Variants in NFKBIB observed in about 807,000 individuals in gnomAD.
NFKBIB encodes NF-kappa-B inhibitor beta.
In NFKBIB, 16 loss-of-function variants were observed where a neutral mutation model predicts 32.1. The observed-to-expected ratio is 0.50, with a 90% CI of 0.34 to 0.76. The LOEUF is 0.76. Among genes scored for constraint, NFKBIB ranks in the 30% least tolerant of loss-of-function variants. The probability of loss-of-function intolerance (pLI) is 0.01; values close to 1 mark genes in which losing one functional copy is unlikely to be tolerated. For synonymous variants in NFKBIB, 222 were observed against 219.5 expected (o/e 1.01, Z -0.10); for missense variants, 437 against 514.9 (o/e 0.85, Z 1.46).
intron 1 of NFKBIB, among the ~76,000 whole-genome samples, chr19:38,902,814 T>C (rs765194876): frequency 1.5e-4 from 23 of 152,136 alleles, no homozygotes; most frequent in Non-Finnish European, 2.8e-4. Context: ...CAGTGGCTCA[T>C]GCCTGTAATC....
chr19:38,900,795 T>A (rs1276008013), intron 1 of NFKBIB, among the ~76,000 whole-genome samples: 1 of 152,208 alleles, frequency 6.6e-6, no homozygotes, highest in Non-Finnish European at 1.5e-5. Flanking sequence ...ATTACCACGT[T>A]CCAGGCTCCG....
Position 38,908,818 on chromosome 19 carries a change from C to T in NFKBIB, c.1057C>T (p.Pro353Ser). 3 of 1,610,796 alleles carry T rather than the reference C, an allele frequency of 1.9e-6. No homozygotes were observed. The highest frequency in any genetic ancestry group is 1.7e-6 in the Non-Finnish European group (2 of 1,179,210). ...AGCCTCAAAACCTCTTCCTGACGAC[C>T]CCCGCCCCGTGTGATTTGTTTCATT... Reference protein sequence around the residue: ...TPASKPLPDDPRPV With the variant: ...TPASKPLPDDSRPV Residue 353 changes from proline (P) to serine (S), a missense_variant, in exon 6 of 6, where the codon CCC (proline) becomes TCC (serine). Pro to Ser is a moderately conservative substitution (Grantham distance 74, BLOSUM62 -1). Transcript: ENST00000313582.
rs187765742 is a variant in NFKBIB, at chr19:38,908,075, T to C, written c.969+416T>C. ...CCCGAGCCAGCGGTGGGGAGAGATATAGTCAGAGAACCCAGCAATACAGAT... is the reference window on the plus strand; with the variant it reads ...CCCGAGCCAGCGGTGGGGAGAGATACAGTCAGAGAACCCAGCAATACAGAT... On this transcript the variant is annotated intron_variant, in intron 5 of 5. Transcript: ENST00000313582. The C allele has an allele frequency of 3.2e-3, 3,377 of 1,045,006 alleles. 6 individuals carry two copies. Among genetic ancestry groups the C allele is most frequent in the Non-Finnish European group, 3.7e-3 (3,207 of 866,926 alleles). 64.7% of individuals were successfully genotyped at this position (1,045,006 alleles called of 1,614,324 possible). A position where few individuals can be genotyped will look rare whatever the true frequency, so the allele number is the denominator to read the frequency against.
chr19:38,900,276 T>G, intron 1 of NFKBIB, 65 bp downstream of exon 1: 7 of 1,475,540 alleles, frequency 4.7e-6, no homozygotes, highest in Non-Finnish European at 6.3e-6. Context: ...CATTAATCTC[T>G]GATCCCTGAG....
At chr19:38,902,530 CA>C (rs1974001282) in intron 1 of NFKBIB, among the ~76,000 whole-genome samples, 1 of 147,232 alleles carries the variant, frequency 6.8e-6, no homozygotes, top group Non-Finnish European at 1.5e-5. Context: ...CATTTTTAAA[CA>C]GTTTCTAAAA....
At position 38,905,567 on chromosome 19, in the gene NFKBIB, C is replaced by T. The variant is rs769973475; in HGVS notation, c.619+32C>T. 6.5e-7 allele frequency: 1 copy of T among 1,549,378 alleles called. No homozygotes were observed. The highest frequency in any genetic ancestry group is 1.9e-5 in the Admixed American group (1 of 53,528). ...GTCGTCACCAGGGAAGGACTCAGCT[C>T]CTGGGCTAGGCGAGAGCACCTGGCC... On this transcript the variant is annotated intron_variant, in intron 3 of 5. Coordinates refer to ENST00000313582, the MANE Select transcript of NFKBIB (RefSeq NM_002503.5). This position sits in a 1 kb window ranked among gnomAD's most constrained non-coding sequence, Gnocchi z 5.5.
In NFKBIB at chr19:38,905,340, TGTGCCC is replaced by T; in HGVS notation, c.431_436del (p.Arg144_Ala145del). On this transcript the variant is annotated inframe_deletion, in exon 3 of 6. Coordinates refer to ENST00000313582, the MANE Select transcript of NFKBIB (RefSeq NM_002503.5). The surrounding 1 kb of genome is among the most constrained non-coding windows in gnomAD (Gnocchi z 5.5). ...GGCCTGCCGTGTGGGGGCACACGCC[TGTGCCC>T]GTGCCCTGCTTCAGCCCCGCCCCCG... 6.2e-7 allele frequency: 1 copy of T among 1,611,202 alleles called. No individual in the cohort carries two copies. The highest frequency in any genetic ancestry group is 8.5e-7 in the Non-Finnish European group (1 of 1,179,228).
At chr19:38,902,905 C>T (rs942321753) in intron 1 of NFKBIB, among the ~76,000 whole-genome samples, 1 of 152,048 alleles carries the variant, frequency 6.6e-6, no homozygotes, top group African/African-American at 2.4e-5. Flanking sequence ...GAAACCTTGT[C>T]TCTACTAAAA....
chr19:38,902,483 CTGCTTTTG>C, intron 1 of NFKBIB, among the ~76,000 whole-genome samples: 1 of 152,108 alleles, frequency 6.6e-6, no homozygotes, highest in Admixed American at 6.6e-5. Flanking sequence ...AGCCAGCCAT[CTGCTTTTG>C]TATGGTTGTG....
intron 5 of NFKBIB, 91 bp from the exon 6 acceptor site, chr19:38,908,640 G>A: frequency 6.8e-7 from 1 of 1,462,768 alleles, no homozygotes; most frequent in Non-Finnish European, 9.0e-7. Flanking sequence ...TTTGAGGCGA[G>A]ACCTAATTCT....
In NFKBIB at chr19:38,907,234, C is replaced by G. The variant is rs1011599382; in HGVS notation, c.633C>G (p.Leu211=). 1 of 1,612,716 alleles carries G rather than the reference C, an allele frequency of 6.2e-7. No homozygotes were observed. The highest frequency in any genetic ancestry group is 8.5e-7 in the Non-Finnish European group (1 of 1,179,208). ...EAENYEGHTP[L]HVAVIHKDVE... ...CTCTGTCCCCAGGCCACACCCCACT[C>G]CACGTGGCCGTTATCCACAAAGATG... The change falls in exon 4 of 6, where the codon CTC becomes CTG. Residue 211 remains leucine, a synonymous_variant. Coordinates refer to ENST00000313582, the MANE Select transcript of NFKBIB (RefSeq NM_002503.5).
intron 1 of NFKBIB, among the ~76,000 whole-genome samples, 190 bp downstream of exon 1, chr19:38,900,401 C>A (rs575434062): frequency 1.3e-5 from 2 of 152,338 alleles, no homozygotes; most frequent in South Asian, 4.1e-4. Flanking sequence ...GATCCTAACC[C>A]AATCATTTCT....
Position 38,900,192 on chromosome 19 carries a change from G to T in NFKBIB, c.160G>T (p.Val54Phe), listed in dbSNP as rs569446263. 1.3e-5 allele frequency: 21 copies of T among 1,603,362 alleles called. No homozygotes were observed. The South Asian group carries it at 2.1e-4, about 16-fold the overall frequency. ...GTGGGCTCCCCTCGTCTTCGGCTAC[G>T]TCACTGAGGATGGGGACACGTGAGT... ...LSWAPLVFGY[V>F]TEDGDTALHL... Residue 54 changes from valine to phenylalanine, a missense_variant, in exon 1 of 6, where the codon GTC becomes TTC. Physicochemically the swap from Val to Phe is conservative, Grantham distance 50 (BLOSUM62 -1). Coordinates refer to ENST00000313582, the MANE Select transcript of NFKBIB (RefSeq NM_002503.5).
intron 1 of NFKBIB, among the ~76,000 whole-genome samples, chr19:38,903,123 G>A (rs954847704): frequency 2.2e-4 from 34 of 151,826 alleles, no homozygotes; most frequent in African/African-American, 7.7e-4. Flanking sequence ...ACCAAAAAGA[G>A]AAACCATATG....
At position 38,902,076 on chromosome 19, in the gene NFKBIB, A is replaced by ATTTT. The variant is rs1444689459; in HGVS notation, c.179+1866_179+1869dup. On this transcript the variant is annotated intron_variant, in intron 1 of 5. Transcript: ENST00000313582. The stretch of plus-strand genomic sequence containing the variant: ...CTGCTCCTTCTGTATAGTGTTTTTC[A>ATTTT]TTTTATTTCTTTTTTTTTTTTTGAG... 1.6e-3 allele frequency among the ~76,000 whole-genome samples: 101 copies of ATTTT among 64,042 alleles called. 1 individual carries two copies. The highest frequency in any genetic ancestry group is 2.8e-3 in the Non-Finnish European group (87 of 30,834). 42.0% of individuals were successfully genotyped at this position (64,042 alleles called of 152,430 possible).
At chr19:38,902,085 C>CTTTTTTTT (rs74176475) in intron 1 of NFKBIB, among the ~76,000 whole-genome samples, 2 of 92,368 alleles carry the variant, frequency 2.2e-5, no homozygotes, top group Admixed American at 1.6e-4. Flanking sequence ...CATTTTATTT[C>CTTTTTTTT]TTTTTTTTTT....
chr19:38,906,408 C>T (rs1974119592), intron 3 of NFKBIB, among the ~76,000 whole-genome samples: 1 of 151,594 alleles, frequency 6.6e-6, no homozygotes, highest in Non-Finnish European at 1.5e-5. Context: ...CATGGCCTCC[C>T]AAAGTGCTGG....
At chr19:38,902,812 C>T (rs892328615) in intron 1 of NFKBIB, among the ~76,000 whole-genome samples, 33 of 152,280 alleles carry the variant, frequency 2.2e-4, no homozygotes, top group African/African-American at 7.7e-4. Context: ...CTCAGTGGCT[C>T]ATGCCTGTAA....
At position 38,903,734 on chromosome 19, in the gene NFKBIB, T is replaced by G. The variant is rs1486678591; in HGVS notation, c.180-1281T>G. 2.6e-5 allele frequency among the ~76,000 whole-genome samples: 4 copies of G among 152,248 alleles called. No homozygotes were observed. In the East Asian group the frequency reaches 7.7e-4, roughly 29 times the overall value. Reference sequence around the variant, plus strand: ...TAATCTTTGGTTAGGTGCCAGACATTGTGAATTTTGCCTTGTTAGTCTGGA... The same window carrying G: ...TAATCTTTGGTTAGGTGCCAGACATGGTGAATTTTGCCTTGTTAGTCTGGA... On this transcript the variant is annotated intron_variant, in intron 1 of 5. Transcript: ENST00000313582.
Sources: gnomAD v4.1 joint callset for allele counts (sites outside exome capture counted in the v4.1 genomes callset) on GRCh38, gnomAD v4.1.1 for gene constraint, Gnocchi (gnomAD v3.1) non-coding constraint, MANE v1.5 for transcripts, NCBI Gene and HGNC (gene_info 2026-07-23, HGNC 2026-07-21) for gene names.